Variants in SHROOM2 observed in about 807,000 individuals in gnomAD.
SHROOM2 encodes protein Shroom2.
Under a neutral mutation model 75.9 loss-of-function variants are expected in SHROOM2, and 33 were observed. The observed-to-expected ratio is 0.43, with a 90% confidence interval of 0.33 to 0.58. The LOEUF (loss-of-function observed/expected upper bound fraction) is 0.58, where lower values mean the gene tolerates loss of function less well. Ranked by LOEUF, SHROOM2 falls within the 20% of genes least tolerant of loss-of-function variation. The pLI, the probability that SHROOM2 is intolerant of heterozygous loss-of-function variation, is 0.04. For missense variants in SHROOM2, 1,434 were observed against 1,461.2 expected, an observed-to-expected ratio of 0.98 and a Z score of 0.30; for synonymous variants, 655 against 663.6, an observed-to-expected ratio of 0.99 and a Z score of 0.20.
chrX:9,866,945 C>T (rs1480739033), intron 1 of SHROOM2, among the ~76,000 whole-genome samples: 1 of 110,331 alleles, frequency 9.1e-6, no homozygotes, highest in Non-Finnish European at 1.9e-5. Flanking sequence ...GTTGCCGTTT[C>T]TATTTGGAGG....
At chrX:9,797,482 C>T (rs1324603889) in intron 1 of SHROOM2, among the ~76,000 whole-genome samples, 1 of 112,654 alleles carries the variant, frequency 8.9e-6, no homozygotes, top group Non-Finnish European at 1.9e-5. Flanking sequence ...AGCAAATATA[C>T]CCAGCTTTAA....
chrX:9,914,344 T>G (rs1208324299), intron 5 of SHROOM2, among the ~76,000 whole-genome samples: 1 of 109,665 alleles, frequency 9.1e-6, no homozygotes, highest in African/African-American at 3.3e-5. Flanking sequence ...CGCCTTTGGA[T>G]TTTGGAGGTT....
chrX:9,875,365 G>A (rs1438442716), intron 2 of SHROOM2, among the ~76,000 whole-genome samples: 2 of 110,717 alleles, frequency 1.8e-5, no homozygotes, highest in African/African-American at 6.6e-5. Flanking sequence ...TTAACTTAGT[G>A]GAATGCCGGT....
chrX:9,833,259 G>A (rs983749162), intron 1 of SHROOM2, among the ~76,000 whole-genome samples: 2 of 110,977 alleles, frequency 1.8e-5, no homozygotes, highest in African/African-American at 3.3e-5. Flanking sequence ...ACCTGTGACC[G>A]CCCCATGTTG....
intron 9 of SHROOM2, 21 bp downstream of exon 9, chrX:9,944,934 C>G: frequency 8.5e-7 from 1 of 1,176,917 alleles, no homozygotes; most frequent in Non-Finnish European, 1.1e-6. Flanking sequence ...ATACGTCTGA[C>G]TTGGAAATGG....
intron 1 of SHROOM2, among the ~76,000 whole-genome samples, chrX:9,810,471 C>G (rs2083786269): frequency 1.8e-5 from 2 of 111,300 alleles, no homozygotes; most frequent in African/African-American, 6.5e-5. Flanking sequence ...CTGTAACTCC[C>G]TTCTTAGCCT....
chrX:9,918,780 A>G (rs923625286), intron 5 of SHROOM2, among the ~76,000 whole-genome samples: 1 of 111,830 alleles, frequency 8.9e-6, no homozygotes, highest in Non-Finnish European at 1.9e-5. Flanking sequence ...TTCAGCCACA[A>G]TGCTATCCTT....
rs958401178 is a variant in SHROOM2 at position 9,925,611 on chromosome X, G to A, written c.2892-6564G>A. On this transcript the variant is annotated intron_variant, in intron 5 of 9. Transcript: ENST00000380913. ...GGGCCCTACCCCAGTTGTCCCATGA[G>A]ATAATTGTGCTCTGTGCACACAGTT... 1.1e-4 allele frequency among the ~76,000 whole-genome samples: 12 copies of A among 112,537 alleles called. No individual in the cohort carries two copies. In the East Asian group the frequency reaches 3.4e-3, roughly 32 times the overall value.
At position 9,896,142 on chromosome X, in the gene SHROOM2, C is replaced by T. The variant is rs981858017; in HGVS notation, c.2234C>T (p.Pro745Leu). Reference sequence around the variant, plus strand: ...TCATCTACAAGTGGCGGGCCCCACCCGCCCCGCATCGGAGGCCGGAGACGG... The same window carrying T: ...TCATCTACAAGTGGCGGGCCCCACCTGCCCCGCATCGGAGGCCGGAGACGG... ...PPSSTSGGPH[P>L]PRIGGRRRFT... Residue 745 changes from proline to leucine, a missense_variant, in exon 4 of 10, where the codon CCG (proline) becomes CTG (leucine). Pro to Leu is a moderately conservative substitution (Grantham distance 98). Transcript: ENST00000380913. The T allele has an allele frequency of 9.1e-6, 11 of 1,205,968 alleles. No homozygotes were observed. The East Asian group carries it at 2.4e-4, about 26-fold the overall frequency.
At chrX:9,885,952 A>G (rs865879234) in intron 2 of SHROOM2, among the ~76,000 whole-genome samples, 2,311 of 71,174 alleles carry the variant, frequency 0.032, 93 homozygotes, top group African/African-American at 0.16. Flanking sequence ...GAGCCTGTCA[A>G]AAAAAAAAAA....
chrX:9,917,740 G>GT (rs1335239063), intron 5 of SHROOM2, among the ~76,000 whole-genome samples: 3 of 111,466 alleles, frequency 2.7e-5, no homozygotes, highest in Non-Finnish European at 5.7e-5. Flanking sequence ...GGCCAGGCTG[G>GT]TCTCGAACTC....
chrX:9,791,543 T>G (rs2083647710), intron 1 of SHROOM2, among the ~76,000 whole-genome samples: 1 of 112,319 alleles, frequency 8.9e-6, no homozygotes, highest in Admixed American at 9.5e-5. Context: ...TCTTTTACTT[T>G]CAAGCACTGT....
intron 5 of SHROOM2, among the ~76,000 whole-genome samples, chrX:9,916,555 A>G (rs1442065961): frequency 9.0e-6 from 1 of 111,721 alleles, no homozygotes; most frequent in Non-Finnish European, 1.9e-5. Context: ...TACTATTTAC[A>G]CTCTAGGGGC....
rs1194620518 is a variant in SHROOM2 at position 9,949,349 on chromosome X, ATG to A, written c.*2418_*2419del. On this transcript the variant is annotated 3_prime_UTR_variant, in exon 10 of 10. Coordinates refer to ENST00000380913, the MANE Select transcript of SHROOM2 (RefSeq NM_001649.4). ...TGTATCCTTCAGTCCACCACAGCAA[ATG>A]TGTGTAGATTTCATGCTCGACACTT... 4 of 328,953 alleles carry A rather than the reference ATG, an allele frequency of 1.2e-5. No individual in the cohort carries two copies. The highest frequency in any genetic ancestry group is 2.4e-5 in the Non-Finnish European group (4 of 169,781). 27.1% of individuals were successfully genotyped at this position (328,953 alleles called of 1,213,427 possible). A position where few individuals can be genotyped will look rare whatever the true frequency, so the allele number is the denominator to read the frequency against.
intron 5 of SHROOM2, among the ~76,000 whole-genome samples, chrX:9,917,462 C>T (rs960547339): frequency 1.8e-5 from 2 of 111,488 alleles, no homozygotes; most frequent in Non-Finnish European, 3.8e-5. Flanking sequence ...ACGTTCTGAA[C>T]ACCAAAGAGC....
Position 9,937,611 on chromosome X carries a change from G to A in SHROOM2, c.4065G>A (p.Glu1355=). 8.3e-7 allele frequency: 1 copy of A among 1,210,947 alleles called. No individual in the cohort carries two copies. Among genetic ancestry groups the A allele is most frequent in the Non-Finnish European group, 1.1e-6 (1 of 895,119 alleles). ...TGGAAGGCATCTTCCCCAAAGACGA[G>A]CACCTCCTGGAAGAAGCCCAGCAAC... ...DLMEGIFPKD[E]HLLEEAQQRR... is the part of the protein sequence containing the mutation. Residue 1355 remains glutamate (E), a synonymous_variant, in exon 7 of 10, where the codon GAG becomes GAA. Transcript: ENST00000380913.
chrX:9,942,316 G>C (rs1012941511), intron 8 of SHROOM2, among the ~76,000 whole-genome samples: 1 of 111,777 alleles, frequency 8.9e-6, no homozygotes, highest in Non-Finnish European at 1.9e-5. Context: ...CACACACCCA[G>C]CGAGCAGTCA....
At chrX:9,846,485 C>T (rs1033823770) in intron 1 of SHROOM2, among the ~76,000 whole-genome samples, 3 of 111,059 alleles carry the variant, frequency 2.7e-5, no homozygotes, top group Admixed American at 9.5e-5. Flanking sequence ...TTAGTAGAGA[C>T]GGCGTTTCAC....
At chrX:9,852,468 C>T (rs1169373417) in intron 1 of SHROOM2, among the ~76,000 whole-genome samples, 1 of 112,063 alleles carries the variant, frequency 8.9e-6, no homozygotes, top group Non-Finnish European at 1.9e-5. Flanking sequence ...AGGTCTGCTC[C>T]GAGCTGGGTC....
Sources: gnomAD v4.1 joint callset for allele counts (sites outside exome capture counted in the v4.1 genomes callset) on GRCh38, gnomAD v4.1.1 for gene constraint, MANE v1.5 for transcripts, NCBI Gene and HGNC (gene_info 2026-07-23, HGNC 2026-07-21) for gene names.